The following TUNAR variants were observed in gnomAD, a reference collection of about 807,000 sequenced individuals.
The protein encoded by TUNAR is transmembrane neural differentiation associated intracellular calcium regulator.
At chr14:95,881,759 A>G (rs763364638) in intron 2 of TUNAR, among the ~76,000 whole-genome samples, 15 of 152,248 alleles carry the variant, frequency 9.9e-5, no homozygotes, top group Non-Finnish European at 1.9e-4. Flanking sequence ...GAGCTGGCCA[A>G]GCATCCACCA....
intron 2 of TUNAR, among the ~76,000 whole-genome samples, chr14:95,912,583 C>T (rs904763950): frequency 3.9e-5 from 6 of 152,138 alleles, no homozygotes; most frequent in African/African-American, 1.4e-4. Context: ...CCTGAAATTT[C>T]AAGATAATGC....
At chr14:95,891,825 A>G (rs1483642005) in intron 2 of TUNAR, among the ~76,000 whole-genome samples, 2 of 152,168 alleles carry the variant, frequency 1.3e-5, no homozygotes, top group African/African-American at 4.8e-5. Context: ...GCTGTGCTCC[A>G]TCGGAAGGCT....
At chr14:95,896,885 T>C (rs954534272) in intron 2 of TUNAR, among the ~76,000 whole-genome samples, 26 of 152,218 alleles carry the variant, frequency 1.7e-4, no homozygotes, top group African/African-American at 6.3e-4. Flanking sequence ...ATATTTTCCA[T>C]GACACTCTCC....
chr14:95,886,620 C>T (rs1329262182), intron 2 of TUNAR, among the ~76,000 whole-genome samples: 1 of 152,196 alleles, frequency 6.6e-6, no homozygotes, highest in Non-Finnish European at 1.5e-5. Flanking sequence ...CTGGAGGGTT[C>T]CCTGCCCCAG....
intron 2 of TUNAR, among the ~76,000 whole-genome samples, chr14:95,900,843 C>G (rs887829629): frequency 2.0e-5 from 3 of 152,226 alleles, no homozygotes; most frequent in African/African-American, 7.2e-5. Context: ...ATGCAGCCAC[C>G]TTCTCCACAT....
chr14:95,924,970 T>C (rs868468769), exon 3 of TUNAR: 1 of 152,232 alleles, frequency 6.6e-6, no homozygotes, highest in Non-Finnish European at 1.5e-5. Context: ...CTCTGTTAAA[T>C]GGACCAGGCT....
At chr14:95,885,531 G>T (rs147887223) in intron 2 of TUNAR, among the ~76,000 whole-genome samples, 2 of 152,162 alleles carry the variant, frequency 1.3e-5, no homozygotes, top group African/African-American at 4.8e-5. Flanking sequence ...AGCGGGAAAG[G>T]CCTTCTAGGT....
intron 2 of TUNAR, among the ~76,000 whole-genome samples, chr14:95,904,565 CAA>C (rs1889402288): frequency 2.0e-5 from 3 of 152,184 alleles, no homozygotes; most frequent in Admixed American, 2.0e-4. Context: ...CTTCCTGGGA[CAA>C]GAGCTCAGCC....
chr14:95,889,826 C>T (rs1285830582), intron 2 of TUNAR, among the ~76,000 whole-genome samples: 7 of 152,168 alleles, frequency 4.6e-5, no homozygotes, highest in Admixed American at 3.9e-4. Flanking sequence ...CTGGCTCCTG[C>T]GTCTGACACC....
At chr14:95,901,813 T>C (rs969899860) in intron 2 of TUNAR, among the ~76,000 whole-genome samples, 8 of 152,106 alleles carry the variant, frequency 5.3e-5, no homozygotes, top group African/African-American at 1.7e-4. Context: ...TTGATGAAAA[T>C]GAAGTGTAGG....
intron 2 of TUNAR, among the ~76,000 whole-genome samples, chr14:95,888,727 C>T (rs1595116452): frequency 1.3e-5 from 2 of 152,086 alleles, no homozygotes; most frequent in Admixed American, 1.3e-4. Context: ...CTTTGGTGAT[C>T]GAGCCTCAGA....
At chr14:95,879,280 C>T (rs1888939901) in intron 2 of TUNAR, among the ~76,000 whole-genome samples, 1 of 152,152 alleles carries the variant, frequency 6.6e-6, no homozygotes, top group South Asian at 2.1e-4. Context: ...AAACTCGGCT[C>T]TCAGCGGGTT....
intron 2 of TUNAR, among the ~76,000 whole-genome samples, chr14:95,879,847 A>G (rs959729548): frequency 5.1e-4 from 77 of 152,174 alleles, no homozygotes; most frequent in Non-Finnish European, 8.2e-4. Context: ...AATAACAGTG[A>G]TGAGACATTT....
rs182108650 is a variant in TUNAR, at chr14:95,904,522, A to G, written c.13-18259A>G. On this transcript the variant is annotated intron_variant, in intron 2 of 2. Coordinates refer to ENST00000678517, the Ensembl canonical transcript of TUNAR. ...CTCTCTGGGTGAGGGATAGGTATGA[A>G]AGTCAACAGCCCAGGCCAGGGTCAC... Among the ~76,000 whole-genome samples, 111 of 152,234 alleles carry G rather than the reference A, an allele frequency of 7.3e-4. 1 individual carries two copies. Among genetic ancestry groups the G allele is most frequent in the African/African-American group, 2.4e-3 (98 of 41,550 alleles).
At chr14:95,919,100 G>A (rs1889651941) in intron 2 of TUNAR, among the ~76,000 whole-genome samples, 1 of 152,128 alleles carries the variant, frequency 6.6e-6, no homozygotes, top group South Asian at 2.1e-4. Context: ...TAAAGGGAGT[G>A]GATTTCTAAG....
At chr14:95,879,039 T>C (rs1426454058) in intron 2 of TUNAR, among the ~76,000 whole-genome samples, 1 of 152,200 alleles carries the variant, frequency 6.6e-6, no homozygotes, top group Non-Finnish European at 1.5e-5. Context: ...ATATTAGCGA[T>C]GCGTGGAGCC....
At chr14:95,912,868 G>A (rs1351819649) in intron 2 of TUNAR, among the ~76,000 whole-genome samples, 3 of 151,916 alleles carry the variant, frequency 2.0e-5, no homozygotes, top group African/African-American at 7.3e-5. Flanking sequence ...TCAGCTCACT[G>A]CAGGCTCCAT....
chr14:95,894,594 G>A (rs971692585), intron 2 of TUNAR, among the ~76,000 whole-genome samples: 7 of 152,146 alleles, frequency 4.6e-5, no homozygotes, highest in African/African-American at 4.8e-5. Context: ...GTTCCCAATC[G>A]ATTGAGAAAG....
At chr14:95,915,294 G>T (rs1035960978) in intron 2 of TUNAR, among the ~76,000 whole-genome samples, 1 of 152,184 alleles carries the variant, frequency 6.6e-6, no homozygotes, top group African/African-American at 2.4e-5. Context: ...TAGTTCATGG[G>T]ATAGAAGGAA....
Sources: gnomAD v4.1 joint callset for allele counts (sites outside exome capture counted in the v4.1 genomes callset) on GRCh38, gnomAD v4.1.1 for gene constraint, MANE v1.5 for transcripts, NCBI Gene and HGNC (gene_info 2026-07-23, HGNC 2026-07-21) for gene names.